The following ANKFN1 variants were observed in gnomAD, a reference collection of about 807,000 sequenced individuals.
ANKFN1 encodes the protein ankyrin repeat and fibronectin type-III domain-containing protein 1.
In ANKFN1, 74 loss-of-function variants were observed where a neutral mutation model predicts 108.7. The observed-to-expected ratio is 0.68, with a 90% CI of 0.56 to 0.83. The LOEUF (loss-of-function observed/expected upper bound fraction) is 0.83. Ranked by LOEUF, ANKFN1 falls within the 40% of genes least tolerant of loss-of-function variation. The probability of loss-of-function intolerance (pLI) is 0.00; values close to 1 mark genes in which losing one functional copy is unlikely to be tolerated. For missense variants in ANKFN1, 1,505 were observed against 1,382.3 expected (o/e 1.09, Z -1.41); for synonymous variants, 547 against 516.2 (o/e 1.06, Z -0.81).
rs546495251 is a variant in ANKFN1 at position 56,513,701 on chromosome 17, C to A, written c.*2432C>A. 2.6e-4 allele frequency among the ~76,000 whole-genome samples: 40 copies of A among 152,224 alleles called. 1 individual carries two copies. Among genetic ancestry groups the A allele is most frequent in the South Asian group, 1.5e-3 (7 of 4,810 alleles). Reference sequence around the variant, plus strand: ...GACCAAAACTGCATTAATTTTAAACCTGCTATTTTATATTGGGGACATAAG... The same window carrying A: ...GACCAAAACTGCATTAATTTTAAACATGCTATTTTATATTGGGGACATAAG... On this transcript the variant is annotated 3_prime_UTR_variant, in exon 21 of 21. Transcript: ENST00000682825.
At chr17:56,089,163 A>G (rs1319731423) in intron 4 of ANKFN1, among the ~76,000 whole-genome samples, 2 of 151,486 alleles carry the variant, frequency 1.3e-5, no homozygotes, top group Non-Finnish European at 3.0e-5. Flanking sequence ...TGTTCTAGTT[A>G]TCATGTCAAA....
chr17:56,381,848 T>C (rs1369194775), intron 8 of ANKFN1, among the ~76,000 whole-genome samples: 6 of 152,166 alleles, frequency 3.9e-5, no homozygotes, highest in East Asian at 1.9e-4. Context: ...TGGAACCAAG[T>C]TGGAAAACAC....
intron 3 of ANKFN1, among the ~76,000 whole-genome samples, chr17:56,297,814 G>T (rs1207947740): frequency 1.3e-5 from 2 of 152,186 alleles, no homozygotes; most frequent in Admixed American, 1.3e-4. Context: ...TTTTGGTAAA[G>T]AAATATGAAA....
At chr17:56,342,592 G>T (rs1449609440) in intron 4 of ANKFN1, among the ~76,000 whole-genome samples, 1 of 152,008 alleles carries the variant, frequency 6.6e-6, no homozygotes, top group Non-Finnish European at 1.5e-5. Context: ...CAATTTCCAT[G>T]TAATTGTATG....
intron 2 of ANKFN1, among the ~76,000 whole-genome samples, chr17:56,218,159 C>T (rs112557962): frequency 0.016 from 2,500 of 151,960 alleles, 28 homozygotes; most frequent in African/African-American, 0.029. Context: ...CACCTGGTCC[C>T]GCAACCTGTT....
At chr17:56,250,339 G>T (rs915301731) in intron 3 of ANKFN1, among the ~76,000 whole-genome samples, 1 of 152,178 alleles carries the variant, frequency 6.6e-6, no homozygotes, top group African/African-American at 2.4e-5. Context: ...TGGTTCAAAT[G>T]ATCCTAAAGC....
chr17:56,162,861 C>T (rs1909788668), intron 1 of ANKFN1, among the ~76,000 whole-genome samples: 1 of 151,838 alleles, frequency 6.6e-6, no homozygotes, highest in African/African-American at 2.4e-5. Context: ...TATGGTGAAA[C>T]CCTGTCTCTA....
At chr17:56,376,872 G>A (rs77588589) in intron 8 of ANKFN1, among the ~76,000 whole-genome samples, 4,389 of 152,182 alleles carry the variant, frequency 0.029, 179 homozygotes, top group African/African-American at 0.099. Context: ...TAACCTGACC[G>A]TTCTCAAGGG....
chr17:56,232,941 G>T (rs1178812687), intron 3 of ANKFN1, among the ~76,000 whole-genome samples: 1 of 152,096 alleles, frequency 6.6e-6, no homozygotes, highest in Admixed American at 6.6e-5. Flanking sequence ...GGGCTAGATA[G>T]TCTGAATTCT....
In ANKFN1 at chr17:56,402,034, G is replaced by A. The variant is rs536446581; in HGVS notation, c.910+27320G>A. ...ATGTTAAACCATCTCTGCATCCCTG[G>A]TGTGAAACCCACTTGATCATGATGG... On this transcript the variant is annotated intron_variant, in intron 8 of 20. Coordinates refer to ENST00000682825, the MANE Select transcript of ANKFN1 (RefSeq NM_001370326.1). Among the ~76,000 whole-genome samples the A allele has an allele frequency of 1.1e-4, 16 of 152,190 alleles. No homozygotes were observed. In the South Asian group the frequency reaches 3.1e-3, roughly 30 times the overall value.
rs1224662887 is a variant in ANKFN1, at chr17:56,374,112, CTGTT to C, written c.797-485_797-482del. Among the ~76,000 whole-genome samples, 7 of 152,314 alleles carry C rather than the reference CTGTT, an allele frequency of 4.6e-5. No homozygotes were observed. In the South Asian group the frequency reaches 1.0e-3, roughly 23 times the overall value. On this transcript the variant is annotated intron_variant, in intron 7 of 20. Transcript: ENST00000682825. ...CTGAAGCCAGGGGCTTTCATCCTGACTGTTTGTCTTCACTGTGTTCTTGAACAAG... is the reference window on the plus strand; with the variant it reads ...CTGAAGCCAGGGGCTTTCATCCTGACTGTCTTCACTGTGTTCTTGAACAAG...
intron 1 of ANKFN1, among the ~76,000 whole-genome samples, chr17:56,170,322 A>G (rs1037170879): frequency 6.6e-6 from 1 of 152,124 alleles, no homozygotes; most frequent in African/African-American, 2.4e-5. Flanking sequence ...ATAATTACCA[A>G]TGCAAATACG....
At chr17:56,227,777 C>A (rs1916392943) in intron 2 of ANKFN1, 140 bp from the exon 3 acceptor site, 1 of 697,854 alleles carries the variant, frequency 1.4e-6, no homozygotes, top group Non-Finnish European at 2.4e-6. Flanking sequence ...AAAAGTCTCC[C>A]AATAAATATA....
chr17:56,407,485 A>G (rs1010369019), intron 8 of ANKFN1, among the ~76,000 whole-genome samples: 5 of 152,200 alleles, frequency 3.3e-5, no homozygotes, highest in African/African-American at 1.2e-4. Flanking sequence ...CAGAATACAT[A>G]TTTCTCTGAA....
At chr17:56,490,968 A>T (rs1307469929) in intron 18 of ANKFN1, among the ~76,000 whole-genome samples, 1 of 152,198 alleles carries the variant, frequency 6.6e-6, no homozygotes. Context: ...GCCAGTGGTA[A>T]CATGGGAATT....
intron 4 of ANKFN1, among the ~76,000 whole-genome samples, chr17:56,079,816 T>C (rs558962795): frequency 7.3e-5 from 11 of 150,224 alleles, no homozygotes; most frequent in African/African-American, 2.8e-4. Flanking sequence ...TGAATCTAGT[T>C]TCTGTAAAAA....
intron 8 of ANKFN1, among the ~76,000 whole-genome samples, chr17:56,380,208 GTT>G (rs2047055369): frequency 6.6e-6 from 1 of 152,154 alleles, no homozygotes; most frequent in Non-Finnish European, 1.5e-5. Flanking sequence ...ATATTTTACA[GTT>G]TTTACGGCTG....
chr17:56,046,469 G>A (rs552781597), intron 4 of ANKFN1: 3 of 152,228 alleles, frequency 2.0e-5, no homozygotes, highest in Non-Finnish European at 4.4e-5. Flanking sequence ...TTCCAAAGGA[G>A]GTACAGGAGT....
intron 8 of ANKFN1, among the ~76,000 whole-genome samples, chr17:56,417,874 A>G (rs1000857909): frequency 3.9e-5 from 6 of 152,128 alleles, no homozygotes; most frequent in African/African-American, 1.4e-4. Flanking sequence ...TCTTTCTTCA[A>G]GGCGTTAGGT....
Sources: gnomAD v4.1 joint callset for allele counts (sites outside exome capture counted in the v4.1 genomes callset) on GRCh38, gnomAD v4.1.1 for gene constraint, MANE v1.5 for transcripts, NCBI Gene and HGNC (gene_info 2026-07-23, HGNC 2026-07-21) for gene names.